C7: variants seen among roughly 807,000 people sequenced by gnomAD.
C7 encodes complement C7, also known as complement component C7.
In C7, 83 loss-of-function variants were observed where a neutral mutation model predicts 104.8. The observed-to-expected ratio is 0.79, with a 90% CI of 0.66 to 0.95. The LOEUF (loss-of-function observed/expected upper bound fraction) is 0.95. Among genes scored for constraint, C7 ranks in the 40% least tolerant of loss-of-function variants. C7 has a pLI of 0.00. For missense variants in C7, 1,070 were observed against 1,011.2 expected, an observed-to-expected ratio of 1.06 and a Z score of -0.79; for synonymous variants, 415 against 360.6, an observed-to-expected ratio of 1.15 and a Z score of -1.71.
chr5:40,953,901 A>ACATGTACCAT, intron 9 of C7, among the ~76,000 whole-genome samples: 1 of 152,206 alleles, frequency 6.6e-6, no homozygotes, highest in East Asian at 1.9e-4. Flanking sequence ...AAAAACAAAA[A>ACATGTACCAT]AAGAACCTGT....
chr5:40,944,633 T>C (rs1740007878), intron 6 of C7, among the ~76,000 whole-genome samples: 1 of 152,256 alleles, frequency 6.6e-6, no homozygotes, highest in South Asian at 2.1e-4. Flanking sequence ...TAGCTACATG[T>C]GACTAACCTA....
intron 11 of C7, 104 bp from the exon 12 acceptor site, chr5:40,959,345 C>A: frequency 9.9e-7 from 1 of 1,011,142 alleles, no homozygotes. Flanking sequence ...AATCAATATC[C>A]AGAATGATCT....
In C7 at chr5:40,964,313, A is replaced by C. The variant is rs984411493; in HGVS notation, c.1750-428A>C. Among the ~76,000 whole-genome samples the C allele has an allele frequency of 2.2e-4, 34 of 151,908 alleles. 1 individual carries two copies. The highest frequency in any genetic ancestry group is 4.4e-5 in the Non-Finnish European group (3 of 67,980). ...CTGCCTTGGCCTCCCAAAGGGCTAG[A>C]ATTACAGGCATGAGACACCATGCCC... is the stretch of plus-strand genomic sequence containing the variant. On this transcript the variant is annotated intron_variant, in intron 13 of 17. Coordinates refer to ENST00000313164, the MANE Select transcript of C7 (RefSeq NM_000587.4).
chr5:40,974,722 A>G (rs1331323844), intron 15 of C7, among the ~76,000 whole-genome samples: 1 of 152,140 alleles, frequency 6.6e-6, no homozygotes, highest in Admixed American at 6.5e-5. Context: ...CCGGCTTGAC[A>G]TTATAATAGT....
chr5:40,948,828 G>C (rs2111633982), intron 8 of C7, among the ~76,000 whole-genome samples: 1 of 152,182 alleles, frequency 6.6e-6, no homozygotes, highest in South Asian at 2.1e-4. Context: ...TACAACCTTG[G>C]AGAAGAATAA....
At chr5:40,913,735 A>G (rs1739258934) in intron 1 of C7, among the ~76,000 whole-genome samples, 1 of 152,170 alleles carries the variant, frequency 6.6e-6, no homozygotes, top group Non-Finnish European at 1.5e-5. Flanking sequence ...GCTGGAGTGC[A>G]GTGGCATGAT....
chr5:40,974,522 TCTCCTGCCTCAGC>T (rs946552515), intron 15 of C7, among the ~76,000 whole-genome samples: 2 of 151,950 alleles, frequency 1.3e-5, no homozygotes, highest in African/African-American at 2.4e-5. Flanking sequence ...TTCACACCAT[TCTCCTGCCTCAGC>T]CTCCTGAGTA....
At chr5:40,976,866 C>T (rs189728382) in intron 16 of C7, 26 bp downstream of exon 16, 442 of 1,516,412 alleles carry the variant, frequency 2.9e-4, no homozygotes, top group Non-Finnish European at 3.8e-4. Context: ...GCTCATTTCT[C>T]TGTTTTATTT....
intron 14 of C7, among the ~76,000 whole-genome samples, chr5:40,966,354 C>T (rs1740550711): frequency 1.3e-5 from 2 of 151,858 alleles, no homozygotes; most frequent in South Asian, 2.1e-4. Context: ...TGAGTGAGAA[C>T]ATGCAATGTT....
At chr5:40,936,044 G>A (rs1040088333) in intron 4 of C7, among the ~76,000 whole-genome samples, 6 of 152,120 alleles carry the variant, frequency 3.9e-5, no homozygotes, top group Admixed American at 2.0e-4. Flanking sequence ...CTCAGTAGTC[G>A]GAATTATATA....
intron 3 of C7, among the ~76,000 whole-genome samples, chr5:40,934,050 T>G (rs575976666): frequency 3.2e-3 from 344 of 108,904 alleles, no homozygotes; most frequent in Admixed American, 5.2e-3. Flanking sequence ...ACTAACATCA[T>G]TTTTTTTTTT....
intron 12 of C7, among the ~76,000 whole-genome samples, chr5:40,961,321 G>A (rs1227158616): frequency 6.6e-6 from 1 of 152,144 alleles, no homozygotes; most frequent in Non-Finnish European, 1.5e-5. Flanking sequence ...CATAGTAAAT[G>A]CTTAGTAAAA....
chr5:40,947,523 A>C, intron 7 of C7, 79 bp from the exon 8 acceptor site: 1 of 1,458,132 alleles, frequency 6.9e-7, no homozygotes, highest in Non-Finnish European at 9.5e-7. Flanking sequence ...GAGCTGATGA[A>C]GGTATTGAAC....
chr5:40,910,523 T>G (rs10072214), intron 1 of C7, among the ~76,000 whole-genome samples: 14,618 of 152,014 alleles, frequency 0.096, 982 homozygotes, highest in East Asian at 0.31. Flanking sequence ...TCTGTGAAAT[T>G]AAATAATTAA....
chr5:40,962,147 C>T lies in C7; in HGVS notation c.1724C>T (p.Pro575Leu), dbSNP rs1156960624. Residue 575 changes from proline to leucine, a missense_variant, in exon 13 of 18, where the codon CCT (proline) becomes CTT (leucine). By Grantham distance (98) the Pro-to-Leu change is moderately conservative. Coordinates refer to ENST00000313164, the MANE Select transcript of C7 (RefSeq NM_000587.4). ...CCAACAGAATTCTGTCCATCACCTCCTGCCTTGAAAGATGGATTTGTTCAA... is the reference window on the plus strand; with the variant it reads ...CCAACAGAATTCTGTCCATCACCTCTTGCCTTGAAAGATGGATTTGTTCAA... Reference protein sequence around the residue: ...LVPTEFCPSPPALKDGFVQDE... With the variant: ...LVPTEFCPSPLALKDGFVQDE... 3.2e-6 allele frequency: 5 copies of T among 1,567,766 alleles called. No homozygotes were observed. Among genetic ancestry groups the T allele is most frequent in the Non-Finnish European group, 4.3e-6 (5 of 1,152,414 alleles).
chr5:40,947,573 ACTC>A, intron 7 of C7, 26 bp from the exon 8 acceptor site: 2 of 1,609,818 alleles, frequency 1.2e-6, no homozygotes, highest in South Asian at 2.2e-5. Context: ...TCCACCTAAA[ACTC>A]CTTGTACTCT....
chr5:40,913,937 C>T (rs1392405543), intron 1 of C7, among the ~76,000 whole-genome samples: 1 of 152,132 alleles, frequency 6.6e-6, no homozygotes, highest in Non-Finnish European at 1.5e-5. Context: ...CCTCAGCCTC[C>T]CAAAGTGTTG....
rs911908862 is a variant in C7, at chr5:40,983,367, T to G, written c.*1794T>G. ...ATCACCATGCCCCCTTCCTAAATAA[T>G]ACAGAGGATATGGTCAGCATTATCA... On this transcript the variant is annotated 3_prime_UTR_variant, in exon 18 of 18. Coordinates refer to ENST00000313164, the MANE Select transcript of C7 (RefSeq NM_000587.4). Among the ~76,000 whole-genome samples, 1 of 152,096 alleles carries G rather than the reference T, an allele frequency of 6.6e-6. No individual in the cohort carries two copies. Among genetic ancestry groups the G allele is most frequent in the Non-Finnish European group, 1.5e-5 (1 of 68,024 alleles).
At chr5:40,973,863 A>G (rs375176353) in intron 15 of C7, among the ~76,000 whole-genome samples, 2 of 152,332 alleles carry the variant, frequency 1.3e-5, no homozygotes, top group South Asian at 4.1e-4. Flanking sequence ...AGTTTCATTT[A>G]CCCAGTAGAA....
Sources: allele counts gnomAD v4.1 joint callset (sites outside exome capture counted in the v4.1 genomes callset), GRCh38; gene constraint gnomAD v4.1.1; transcripts MANE v1.5; gene names NCBI Gene and HGNC (gene_info 2026-07-23, HGNC 2026-07-21).